Variants in ACAP2 observed in about 807,000 individuals in gnomAD.
ACAP2 encodes ArfGAP with coiled-coil, ankyrin repeat and PH domains 2.
In ACAP2, 39 loss-of-function variants were observed where a neutral mutation model predicts 115.8. That is an observed-to-expected ratio of 0.34 (90% confidence interval 0.26 to 0.44). ACAP2 has a LOEUF of 0.44. Ranked by LOEUF, ACAP2 falls within the 20% of genes least tolerant of loss-of-function variation. The pLI is 1.00. For synonymous variants in ACAP2, 289 were observed against 315.8 expected, an observed-to-expected ratio of 0.92 and a Z score of 0.90; for missense variants, 662 against 927.6, an observed-to-expected ratio of 0.71 and a Z score of 3.72.
intron 9 of ACAP2, among the ~76,000 whole-genome samples, chr3:195,323,025 G>A (rs185546378): frequency 3.3e-5 from 5 of 152,310 alleles, no homozygotes; most frequent in African/African-American, 9.6e-5. Context: ...GAGACTGAGT[G>A]AAAACTGGAA....
intron 5 of ACAP2, 39 bp from the exon 6 acceptor site, chr3:195,342,693 C>T: frequency 1.3e-6 from 2 of 1,536,838 alleles, no homozygotes; most frequent in East Asian, 2.3e-5. Context: ...TTATAACTTG[C>T]TTCATTAAAA....
At chr3:195,305,773 A>G (rs1728382446) in intron 13 of ACAP2, among the ~76,000 whole-genome samples, 1 of 151,782 alleles carries the variant, frequency 6.6e-6, no homozygotes, top group South Asian at 2.1e-4. Flanking sequence ...TCAAATTCCT[A>G]CTTTCATCTC....
rs761656805 is a variant in ACAP2 at position 195,292,368 on chromosome 3, T to G, written c.1850A>C (p.Lys617Thr). 2 of 1,614,136 alleles carry G rather than the reference T, an allele frequency of 1.2e-6. No individual in the cohort carries two copies. The highest frequency in any genetic ancestry group is 1.7e-6 in the Non-Finnish European group (2 of 1,180,018). Residue 617 changes from lysine (K) to threonine (T), a missense_variant, in exon 19 of 23, where the codon AAA (lysine) becomes ACA (threonine). Lys to Thr is a moderately conservative substitution (Grantham distance 78, BLOSUM62 -1). Transcript: ENST00000326793. ...GLQLYRASYE[K>T]NLPKMAEALA... The stretch of plus-strand genomic sequence containing the variant: ...AGCCTCAGCCATTTTAGGAAGGTTT[T>G]TTTCATATGACGCCCTATAAAGCTG...
At chr3:195,393,814 G>A (rs1482666890) in intron 1 of ACAP2, among the ~76,000 whole-genome samples, 1 of 149,298 alleles carries the variant, frequency 6.7e-6, no homozygotes, top group Non-Finnish European at 1.5e-5. Context: ...ATTATGTGAG[G>A]CAGAAGATTT....
intron 10 of ACAP2, among the ~76,000 whole-genome samples, chr3:195,313,552 C>T (rs978138690): frequency 6.6e-6 from 1 of 152,186 alleles, no homozygotes; most frequent in African/African-American, 2.4e-5. Flanking sequence ...TTGAAAGCCA[C>T]ACATACGTAG....
intron 4 of ACAP2, chr3:195,356,167 A>G: frequency 4.4e-6 from 2 of 456,770 alleles, no homozygotes; most frequent in South Asian, 1.5e-5. Context: ...CACAGGGCAC[A>G]GAGGAAGAAT....
At chr3:195,440,406 G>A (rs1715907904) in intron 1 of ACAP2, among the ~76,000 whole-genome samples, 1 of 152,194 alleles carries the variant, frequency 6.6e-6, no homozygotes, top group Non-Finnish European at 1.5e-5. Flanking sequence ...TTGAACAGTG[G>A]TGAAATTTTC....
At chr3:195,309,596 T>C (rs1347858925) in intron 10 of ACAP2, among the ~76,000 whole-genome samples, 2 of 150,558 alleles carry the variant, frequency 1.3e-5, no homozygotes, top group African/African-American at 2.4e-5. Flanking sequence ...TTGAAATAAA[T>C]TGTGCTTTAT....
chr3:195,304,517 C>A (rs1034956557), intron 13 of ACAP2, among the ~76,000 whole-genome samples: 4 of 152,142 alleles, frequency 2.6e-5, no homozygotes, highest in African/African-American at 9.7e-5. Context: ...GTCGCTGCCC[C>A]CCATCTCCAT....
At chr3:195,423,602 A>G (rs933360614) in intron 1 of ACAP2, among the ~76,000 whole-genome samples, 9 of 148,878 alleles carry the variant, frequency 6.0e-5, no homozygotes, top group Non-Finnish European at 8.9e-5. Flanking sequence ...CAGCCCAGAC[A>G]ACAAAGTAAG....
chr3:195,352,448 G>T (rs1243704799), intron 4 of ACAP2, among the ~76,000 whole-genome samples: 1 of 152,020 alleles, frequency 6.6e-6, no homozygotes, highest in East Asian at 1.9e-4. Context: ...CTTAGCAATG[G>T]CTTACAGTCT....
intron 9 of ACAP2, 83 bp downstream of exon 9, chr3:195,326,802 C>G: frequency 8.3e-7 from 1 of 1,200,622 alleles, no homozygotes; most frequent in Non-Finnish European, 1.2e-6. Context: ...AAGATTTGTT[C>G]CAATACAATG....
intron 15 of ACAP2, among the ~76,000 whole-genome samples, chr3:195,298,252 C>CTTTTTT (rs33951107): frequency 9.1e-6 from 1 of 109,960 alleles, no homozygotes; most frequent in African/African-American, 3.6e-5. Context: ...TTTCTCTCCT[C>CTTTTTT]TTTTTTTTTT....
At chr3:195,410,103 T>C (rs1367342723) in intron 1 of ACAP2, among the ~76,000 whole-genome samples, 1 of 151,840 alleles carries the variant, frequency 6.6e-6, no homozygotes, top group Non-Finnish European at 1.5e-5. Flanking sequence ...TAGAACACAG[T>C]CCAGAATTAA....
In ACAP2 at chr3:195,301,950, G is replaced by A. The variant is rs762151985; in HGVS notation, c.1325+16C>T. ...ATCCAAAAGAAGAAATTCTCATCCT[G>A]GGCAGGCCTACCCACCGGTGAATTC... On this transcript the variant is annotated intron_variant, in intron 14 of 22. Coordinates refer to ENST00000326793, the MANE Select transcript of ACAP2 (RefSeq NM_012287.6). 1 of 1,608,124 alleles carries A rather than the reference G, an allele frequency of 6.2e-7. No individual in the cohort carries two copies. Among genetic ancestry groups the A allele is most frequent in the Non-Finnish European group, 8.5e-7 (1 of 1,177,202 alleles).
chr3:195,324,366 C>T (rs946089847), intron 9 of ACAP2, among the ~76,000 whole-genome samples: 106 of 152,222 alleles, frequency 7.0e-4, no homozygotes, highest in African/African-American at 2.5e-3. Flanking sequence ...TGGGAAAGAG[C>T]AAACTTTTTA....
intron 4 of ACAP2, among the ~76,000 whole-genome samples, chr3:195,354,853 A>T (rs1218237815): frequency 6.6e-6 from 1 of 152,194 alleles, no homozygotes; most frequent in Non-Finnish European, 1.5e-5. Context: ...GATGTCAGTA[A>T]TCTAGACTAT....
intron 2 of ACAP2, among the ~76,000 whole-genome samples, chr3:195,390,463 A>C (rs1237364575): frequency 1.3e-5 from 2 of 152,250 alleles, no homozygotes; most frequent in Non-Finnish European, 2.9e-5. Flanking sequence ...GTTTACATAT[A>C]GAACTAAATA....
chr3:195,328,348 C>A (rs1729938447), intron 8 of ACAP2, among the ~76,000 whole-genome samples: 1 of 151,828 alleles, frequency 6.6e-6, no homozygotes, highest in African/African-American at 2.4e-5. Flanking sequence ...TCCCTTATCA[C>A]AAATGATGTT....
Sources: gnomAD v4.1 joint callset for allele counts (sites outside exome capture counted in the v4.1 genomes callset) on GRCh38, gnomAD v4.1.1 for gene constraint, MANE v1.5 for transcripts, NCBI Gene and HGNC (gene_info 2026-07-23, HGNC 2026-07-21) for gene names.